TDRD7: variants seen among roughly 807,000 people sequenced by gnomAD.
The protein encoded by TDRD7 is tudor domain containing 7, also known as tudor domain-containing protein 7.
In TDRD7, 47 loss-of-function variants were observed where a neutral mutation model predicts 109.8. The ratio of observed to expected loss-of-function variants is 0.43; its 90% CI spans 0.34 to 0.55. TDRD7 has a LOEUF of 0.55. Among genes scored for constraint, TDRD7 ranks in the 20% least tolerant of loss-of-function variants. The pLI is 0.03. For missense variants in TDRD7, 1,164 were observed against 1,319.2 expected (o/e 0.88, Z 1.82); for synonymous variants, 424 against 457.3 (o/e 0.93, Z 0.93).
intron 4 of TDRD7, among the ~76,000 whole-genome samples, chr9:97,433,801 A>G (rs879523660): frequency 6.6e-6 from 1 of 152,206 alleles, no homozygotes; most frequent in African/African-American, 2.4e-5. Context: ...AATTAAAACC[A>G]CAATGAGATA....
intron 15 of TDRD7, among the ~76,000 whole-genome samples, chr9:97,484,490 A>ACC (rs1268588827): frequency 1.3e-4 from 20 of 149,876 alleles, no homozygotes; most frequent in South Asian, 8.4e-4. Flanking sequence ...ACACACACAC[A>ACC]CACCCCAAAA....
intron 6 of TDRD7, among the ~76,000 whole-genome samples, chr9:97,453,852 A>G (rs1828553014): frequency 6.6e-6 from 1 of 152,234 alleles, no homozygotes; most frequent in African/African-American, 2.4e-5. Flanking sequence ...AGAGCTGACT[A>G]TTCTAAATAT....
At chr9:97,472,627 G>T (rs1828941630) in intron 10 of TDRD7, 132 bp downstream of exon 10, 2 of 816,846 alleles carry the variant, frequency 2.4e-6, no homozygotes, top group East Asian at 2.7e-5. Flanking sequence ...AAAGGAGGGA[G>T]TGGGGCTAGA....
At chr9:97,480,154 C>T (rs1457815340) in intron 13 of TDRD7, among the ~76,000 whole-genome samples, 2 of 152,122 alleles carry the variant, frequency 1.3e-5, no homozygotes, top group African/African-American at 4.8e-5. Context: ...TCCGTTGATT[C>T]GAGGGTTTGC....
chr9:97,493,933 C>G (rs976003412), intron 16 of TDRD7, among the ~76,000 whole-genome samples: 1 of 152,180 alleles, frequency 6.6e-6, no homozygotes, highest in Non-Finnish European at 1.5e-5. Context: ...TTATCCTGTT[C>G]TTTTTTCAAG....
chr9:97,419,302 G>A (rs138038654), intron 1 of TDRD7, among the ~76,000 whole-genome samples: 22 of 152,316 alleles, frequency 1.4e-4, no homozygotes, highest in African/African-American at 4.8e-4. Flanking sequence ...AGTCAGGGTG[G>A]ATTGGCACTG....
chr9:97,422,178 A>G (rs1241474915), intron 1 of TDRD7, among the ~76,000 whole-genome samples: 3 of 152,138 alleles, frequency 2.0e-5, no homozygotes, highest in Non-Finnish European at 4.4e-5. Flanking sequence ...GGATCACTTG[A>G]GGTCAGGAGT....
At chr9:97,439,142 G>A (rs1027635943) in intron 4 of TDRD7, 103 bp from the exon 5 acceptor site, 21 of 758,096 alleles carry the variant, frequency 2.8e-5, no homozygotes, top group Non-Finnish European at 3.9e-5. Flanking sequence ...TTGTTTTGCT[G>A]TTAAATGCCA....
intron 2 of TDRD7, 73 bp downstream of exon 2, chr9:97,428,745 T>G: frequency 2.0e-5 from 27 of 1,378,222 alleles, no homozygotes; most frequent in Non-Finnish European, 2.6e-5. Flanking sequence ...TCCAATCTCC[T>G]ACCTGTGATA....
chr9:97,414,551 A>G (rs1827780670), intron 1 of TDRD7, among the ~76,000 whole-genome samples: 1 of 152,244 alleles, frequency 6.6e-6, no homozygotes, highest in African/African-American at 2.4e-5. Flanking sequence ...ACTAGGATTA[A>G]GACACAAACT....
At chr9:97,482,561 A>G (rs556344302) in intron 14 of TDRD7, among the ~76,000 whole-genome samples, 1 of 152,322 alleles carries the variant, frequency 6.6e-6, no homozygotes, top group South Asian at 2.1e-4. Context: ...TGATATATAG[A>G]ATCCTTTCTG....
At chr9:97,428,262 C>G (rs1159346746) in intron 1 of TDRD7, among the ~76,000 whole-genome samples, 198 bp from the exon 2 acceptor site, 2 of 152,188 alleles carry the variant, frequency 1.3e-5, no homozygotes, top group Admixed American at 6.5e-5. Flanking sequence ...TCAGGCTGGT[C>G]TTGTGCCTTC....
chr9:97,495,718 G>A lies in TDRD7; in HGVS notation c.3132G>A (p.Val1044=). The change falls in exon 17 of 17, where the codon GTG becomes GTA. Residue 1044 remains valine (V), a synonymous_variant. Transcript: ENST00000355295. ...CTTCTATGGTGTTTCGAAATCATGT[G>A]GAGAAGAAACCTCTGGTGGCACTGG... ...EEASMVFRNH[V]EKKPLVALVQ... is the part of the protein sequence containing the mutation. 6.2e-7 allele frequency: 1 copy of A among 1,614,188 alleles called. No individual in the cohort carries two copies. The highest frequency in any genetic ancestry group is 1.1e-5 in the South Asian group (1 of 91,090).
intron 6 of TDRD7, among the ~76,000 whole-genome samples, chr9:97,442,486 G>T (rs1828324156): frequency 6.6e-6 from 1 of 152,172 alleles, no homozygotes; most frequent in Non-Finnish European, 1.5e-5. Flanking sequence ...TTATGGATCA[G>T]CATAGTTTAT....
intron 1 of TDRD7, among the ~76,000 whole-genome samples, chr9:97,421,698 T>TG (rs1827902471): frequency 2.1e-5 from 3 of 142,864 alleles, no homozygotes; most frequent in African/African-American, 7.9e-5. Context: ...TGCCCAGCTT[T>TG]TGTGTGTGTG....
At chr9:97,480,416 A>C (rs1829096663) in intron 13 of TDRD7, 1 of 219,674 alleles carries the variant, frequency 4.6e-6, no homozygotes, top group Middle Eastern at 1.9e-3. Context: ...ATTTCCTCCA[A>C]ATGACAATTG....
At chr9:97,427,988 C>G (rs757221003) in intron 1 of TDRD7, among the ~76,000 whole-genome samples, 25 of 152,158 alleles carry the variant, frequency 1.6e-4, no homozygotes, top group Non-Finnish European at 5.9e-5. Flanking sequence ...GGGTCTGCCC[C>G]TCCCTGGCCC....
chr9:97,470,430 C>T lies in TDRD7; in HGVS notation c.1630-128C>T, dbSNP rs371200959. ...TGGTAAGTCAGGGGCACCTCCCCAG[C>T]TTTTTCCAGGTGCCACTCTGCCACT... On this transcript the variant is annotated intron_variant, in intron 8 of 16. Coordinates refer to ENST00000355295, the MANE Select transcript of TDRD7 (RefSeq NM_014290.3). The T allele has an allele frequency of 2.1e-5, 18 of 853,786 alleles. No homozygotes were observed. The African/African-American group carries it at 2.4e-4, about 11-fold the overall frequency. The allele number at this position is 853,786 out of a possible 1,614,324, so 52.9% of individuals were successfully genotyped here.
At chr9:97,469,685 A>G (rs1049138232) in intron 8 of TDRD7, among the ~76,000 whole-genome samples, 11 of 152,294 alleles carry the variant, frequency 7.2e-5, no homozygotes, top group African/African-American at 2.2e-4. Context: ...TAGGTTTTCA[A>G]CATTTCCCTT....
Sources: gnomAD v4.1 joint callset for allele counts (sites outside exome capture counted in the v4.1 genomes callset) on GRCh38, gnomAD v4.1.1 for gene constraint, MANE v1.5 for transcripts, NCBI Gene and HGNC (gene_info 2026-07-23, HGNC 2026-07-21) for gene names.